Variants in CSPP1 observed in about 807,000 individuals in gnomAD.
The protein encoded by CSPP1 is centrosome and spindle pole associated protein 1, also known as centrosome and spindle pole-associated protein 1.
CSPP1 carries 126 observed loss-of-function variants against 164.4 expected under a neutral mutation model. The observed-to-expected ratio is 0.77, with a 90% CI of 0.66 to 0.89. The LOEUF (loss-of-function observed/expected upper bound fraction) is 0.89. Ranked by LOEUF, CSPP1 falls within the 40% of genes least tolerant of loss-of-function variation. CSPP1 has a pLI of 0.00. For synonymous variants in CSPP1, 472 were observed against 476.7 expected (o/e 0.99, Z 0.13); for missense variants, 1,395 against 1,449.8 (o/e 0.96, Z 0.61).
intron 10 of CSPP1, among the ~76,000 whole-genome samples, chr8:67,112,671 G>A (rs1322765659): frequency 6.6e-6 from 1 of 152,084 alleles, no homozygotes; most frequent in Non-Finnish European, 1.5e-5. Context: ...GACCTGGATT[G>A]CAGCAATAGC....
At chr8:67,122,484 A>G (rs1320509668) in intron 15 of CSPP1, among the ~76,000 whole-genome samples, 1 of 152,128 alleles carries the variant, frequency 6.6e-6, no homozygotes, top group Non-Finnish European at 1.5e-5. Flanking sequence ...TTTCTTCATC[A>G]ACCTGTTGGT....
intron 15 of CSPP1, among the ~76,000 whole-genome samples, chr8:67,130,936 G>A (rs1309410458): frequency 2.0e-5 from 3 of 152,060 alleles, no homozygotes; most frequent in Non-Finnish European, 2.9e-5. Flanking sequence ...TGCAGTGAGC[G>A]GAGATGGCAC....
intron 8 of CSPP1, among the ~76,000 whole-genome samples, chr8:67,103,741 G>A (rs1292028073): frequency 6.6e-6 from 1 of 151,230 alleles, no homozygotes; most frequent in Non-Finnish European, 1.5e-5. Flanking sequence ...TCGGGAGGCT[G>A]AGGCAGGAGA....
intron 30 of CSPP1, 134 bp downstream of exon 30, chr8:67,193,736 A>G: frequency 1.5e-6 from 1 of 648,832 alleles, no homozygotes; most frequent in Non-Finnish European, 2.5e-6. Context: ...GGCCCAAGAC[A>G]TAGTAACTAT....
intron 28 of CSPP1, among the ~76,000 whole-genome samples, chr8:67,187,851 T>TA (rs1408097214): frequency 6.6e-6 from 1 of 152,270 alleles, no homozygotes; most frequent in East Asian, 1.9e-4. Context: ...AAAATAAACA[T>TA]AGATCTTACG....
intron 1 of CSPP1, among the ~76,000 whole-genome samples, chr8:67,067,661 C>A (rs2129539453): frequency 6.6e-6 from 1 of 151,804 alleles, no homozygotes; most frequent in East Asian, 2.0e-4. Flanking sequence ...GACGGGGTTT[C>A]ACCGTGTTAG....
chr8:67,121,521 C>A (rs2129552010), intron 15 of CSPP1, among the ~76,000 whole-genome samples: 1 of 151,948 alleles, frequency 6.6e-6, no homozygotes, highest in East Asian at 1.9e-4. Flanking sequence ...GAATAAATTC[C>A]ACTTAGTCAT....
In CSPP1 at chr8:67,144,629, C is replaced by T. The variant is rs138690119; in HGVS notation, c.1976-5154C>T. On this transcript the variant is annotated intron_variant, in intron 17 of 30. Coordinates refer to ENST00000678616, the MANE Select transcript of CSPP1 (RefSeq NM_001382391.1). ...TAATTTTTTTTATTTTTTGTAGAAA[C>T]AGGGTCTCACTATGTTTATGTTGCC... Among the ~76,000 whole-genome samples the T allele has an allele frequency of 3.9e-3, 591 of 152,118 alleles. 3 individuals carry two copies. The highest frequency in any genetic ancestry group is 0.014 in the African/African-American group (561 of 41,502).
intron 3 of CSPP1, among the ~76,000 whole-genome samples, chr8:67,083,134 A>G (rs560320698): frequency 1.3e-4 from 20 of 152,344 alleles, no homozygotes; most frequent in African/African-American, 4.8e-4. Flanking sequence ...AAAGTTATAA[A>G]TAACTCAGAA....
chr8:67,130,049 A>G (rs1219635952), intron 15 of CSPP1, among the ~76,000 whole-genome samples: 1 of 152,214 alleles, frequency 6.6e-6, no homozygotes, highest in African/African-American at 2.4e-5. Context: ...TTCAATAGAA[A>G]GTACAATATT....
At position 67,106,106 on chromosome 8, in the gene CSPP1, C is replaced by T. The variant is rs1190019013; in HGVS notation, c.1093+131C>T. ...AAAATATTTGTAAGTGCTTACTTTA[C>T]ACTAGGTACTATTCTAATCATTTAA... On this transcript the variant is annotated intron_variant, in intron 9 of 30. Transcript: ENST00000678616. 8 of 604,212 alleles carry T rather than the reference C, an allele frequency of 1.3e-5. No homozygotes were observed. The East Asian group carries it at 2.0e-4, about 15-fold the overall frequency. 37.4% of individuals were successfully genotyped at this position (604,212 alleles called of 1,614,324 possible).
At chr8:67,082,092 G>A (rs533185593) in intron 3 of CSPP1, among the ~76,000 whole-genome samples, 1 of 152,306 alleles carries the variant, frequency 6.6e-6, no homozygotes, top group South Asian at 2.1e-4. Flanking sequence ...CTGTTGCCCA[G>A]GCTGGAGTGC....
chr8:67,078,910 T>G (rs1370881724), intron 3 of CSPP1, among the ~76,000 whole-genome samples: 1 of 151,908 alleles, frequency 6.6e-6, no homozygotes, highest in African/African-American at 2.4e-5. Flanking sequence ...GAGGCGGAGG[T>G]TGCAGTGACC....
At chr8:67,148,131 A>G (rs748763026) in intron 17 of CSPP1, among the ~76,000 whole-genome samples, 1 of 151,702 alleles carries the variant, frequency 6.6e-6, no homozygotes, top group Non-Finnish European at 1.5e-5. Flanking sequence ...GTTGCCCAGG[A>G]TGGTCTTAAA....
At chr8:67,132,160 G>C (rs1266590048) in intron 16 of CSPP1, 80 bp downstream of exon 16, 2 of 1,360,898 alleles carry the variant, frequency 1.5e-6, no homozygotes, top group Non-Finnish European at 2.0e-6. Flanking sequence ...AGTGTGGCCG[G>C]GGAGGGGAAA....
At chr8:67,177,466 T>C (rs1002057866) in intron 26 of CSPP1, among the ~76,000 whole-genome samples, 5 of 152,248 alleles carry the variant, frequency 3.3e-5, no homozygotes, top group African/African-American at 4.8e-5. Flanking sequence ...TTTTACTTGT[T>C]ATGTTCATTC....
intron 17 of CSPP1, among the ~76,000 whole-genome samples, chr8:67,145,720 G>T (rs1824403919): frequency 1.3e-5 from 2 of 151,614 alleles, no homozygotes; most frequent in Non-Finnish European, 2.9e-5. Flanking sequence ...TAGAGACGGG[G>T]TTTCACCATA....
rs770260699 is a variant in CSPP1, at chr8:67,161,773, T to C, written c.2539-38T>C. On this transcript the variant is annotated intron_variant, in intron 21 of 30. Transcript: ENST00000678616. ...TGTGTATATATGTGTGTGAGTGTGA[T>C]GAAGCAAATATGCTCTTAAATTTTT... is the stretch of plus-strand genomic sequence containing the variant. The C allele has an allele frequency of 1.5e-5, 18 of 1,193,414 alleles. No individual in the cohort carries two copies. In the East Asian group the frequency reaches 3.7e-4, roughly 25 times the overall value. The allele number at this position is 1,193,414 out of a possible 1,614,324, so 73.9% of individuals were successfully genotyped here.
At chr8:67,161,292 G>A (rs1167250870) in intron 21 of CSPP1, among the ~76,000 whole-genome samples, 1 of 152,072 alleles carries the variant, frequency 6.6e-6, no homozygotes, top group Non-Finnish European at 1.5e-5. Context: ...GAATGTCTAT[G>A]TTGTATTTAC....
Sources: allele counts gnomAD v4.1 joint callset (sites outside exome capture counted in the v4.1 genomes callset), GRCh38; gene constraint gnomAD v4.1.1; transcripts MANE v1.5; gene names NCBI Gene and HGNC (gene_info 2026-07-23, HGNC 2026-07-21).